CNTNAP2: variants seen among roughly 807,000 people sequenced by gnomAD.
CNTNAP2 encodes the protein contactin-associated protein-like 2.
Under a neutral mutation model 155.2 loss-of-function variants are expected in CNTNAP2, and 98 were observed. The observed-to-expected ratio is 0.63, with a 90% confidence interval of 0.54 to 0.75. The LOEUF is 0.75. Among genes scored for constraint, CNTNAP2 ranks in the 30% least tolerant of loss-of-function variants. The probability of loss-of-function intolerance (pLI) is 0.00; values close to 1 mark genes in which losing one functional copy is unlikely to be tolerated. For missense variants in CNTNAP2, 1,727 were observed against 1,688.1 expected (o/e 1.02, Z -0.40); for synonymous variants, 651 against 631.2 (o/e 1.03, Z -0.47).
chr7:147,061,873 G>A lies in CNTNAP2; in HGVS notation c.550+17819G>A, dbSNP rs372192476. On this transcript the variant is annotated intron_variant, in intron 4 of 23. Coordinates refer to ENST00000361727, the MANE Select transcript of CNTNAP2 (RefSeq NM_014141.6). ...TCTTTGGCCGGGCACGGTGGCTCAC[G>A]CCTGTAATCCCAGCACTTTGGGAGG... 2.1e-4 allele frequency among the ~76,000 whole-genome samples: 32 copies of A among 152,104 alleles called. No homozygotes were observed. In the East Asian group the frequency reaches 5.2e-3, roughly 25 times the overall value.
chr7:146,414,524 T>C (rs186118794), intron 1 of CNTNAP2, among the ~76,000 whole-genome samples: 2 of 152,270 alleles, frequency 1.3e-5, no homozygotes, highest in East Asian at 3.9e-4. Flanking sequence ...GGGGAGACTA[T>C]TTCTCCATAG....
At chr7:146,526,134 C>T (rs1342737387) in intron 1 of CNTNAP2, among the ~76,000 whole-genome samples, 1 of 152,026 alleles carries the variant, frequency 6.6e-6, no homozygotes, top group African/African-American at 2.4e-5. Context: ...TAAAGGGACC[C>T]ACAGCTTCAC....
intron 1 of CNTNAP2, among the ~76,000 whole-genome samples, chr7:146,711,791 ATATATAGTATACACATCTTATGTATAC>A (rs1801081338): frequency 2.4e-5 from 1 of 41,222 alleles, no homozygotes; most frequent in Non-Finnish European, 2.0e-4. Flanking sequence ...TTATGTATAC[ATATATAGTATACACATCTTATGTATAC>A]AATATAGTAT....
At chr7:147,669,471 C>T (rs970409712) in intron 13 of CNTNAP2, among the ~76,000 whole-genome samples, 1 of 152,192 alleles carries the variant, frequency 6.6e-6, no homozygotes, top group African/African-American at 2.4e-5. Flanking sequence ...TATTTTGTTA[C>T]AGCTTTCGAA....
chr7:147,809,806 A>T (rs1308994405), intron 13 of CNTNAP2, among the ~76,000 whole-genome samples: 3 of 152,146 alleles, frequency 2.0e-5, no homozygotes, highest in Non-Finnish European at 4.4e-5. Context: ...GACAGAACCT[A>T]TTTGTTCTCA....
At chr7:146,251,963 C>T (rs936069475) in intron 1 of CNTNAP2, among the ~76,000 whole-genome samples, 2 of 152,154 alleles carry the variant, frequency 1.3e-5, no homozygotes, top group Non-Finnish European at 2.9e-5. Context: ...AGAGCAAGAT[C>T]ATTTGCTTTT....
At chr7:147,619,843 G>A (rs2116890553) in intron 12 of CNTNAP2, among the ~76,000 whole-genome samples, 1 of 152,340 alleles carries the variant, frequency 6.6e-6, no homozygotes, top group East Asian at 1.9e-4. Context: ...ATAGGCAGCA[G>A]CCAGGGAGTG....
chr7:148,370,358 C>G (rs1479323449), intron 21 of CNTNAP2, among the ~76,000 whole-genome samples: 1 of 152,206 alleles, frequency 6.6e-6, no homozygotes, highest in Non-Finnish European at 1.5e-5. Context: ...GAGCCTGAAT[C>G]CCTCCACGCA....
At chr7:146,705,464 G>A (rs2129174129) in intron 1 of CNTNAP2, among the ~76,000 whole-genome samples, 1 of 152,132 alleles carries the variant, frequency 6.6e-6, no homozygotes, top group South Asian at 2.1e-4. Context: ...ACACTGATGA[G>A]AAGTCTCTAC....
intron 21 of CNTNAP2, among the ~76,000 whole-genome samples, chr7:148,316,695 C>T (rs1435884618): frequency 6.6e-6 from 1 of 152,134 alleles, no homozygotes; most frequent in African/African-American, 2.4e-5. Flanking sequence ...ACAGTAAGAA[C>T]AGGCAGCTAG....
At chr7:148,328,088 G>A (rs368411044) in intron 21 of CNTNAP2, among the ~76,000 whole-genome samples, 20 of 152,288 alleles carry the variant, frequency 1.3e-4, no homozygotes, top group African/African-American at 3.6e-4. Context: ...GCACAAGTGT[G>A]GAAATAAAGA....
rs1441266435 is a variant in CNTNAP2, at chr7:147,860,307, C to A, written c.2099-43258C>A. Among the ~76,000 whole-genome samples the A allele has an allele frequency of 2.0e-5, 3 of 151,926 alleles. No homozygotes were observed. In the East Asian group the frequency reaches 5.8e-4, roughly 29 times the overall value. On this transcript the variant is annotated intron_variant, in intron 13 of 23. Transcript: ENST00000361727. ...GGGCACGGTGGTCTGCGCCTGTAAT[C>A]CCAGTGTTCAGGAGGCTGAGGCAGA...
At chr7:146,486,035 C>A (rs1011326076) in intron 1 of CNTNAP2, among the ~76,000 whole-genome samples, 1 of 140,896 alleles carries the variant, frequency 7.1e-6, no homozygotes, top group Admixed American at 7.2e-5. Context: ...ATGTACCCAA[C>A]CCACAGCAGT....
intron 15 of CNTNAP2, among the ~76,000 whole-genome samples, chr7:148,002,943 C>CA (rs1801922299): frequency 6.6e-6 from 1 of 152,086 alleles, no homozygotes. Context: ...CAGTTGAACA[C>CA]AAAAAGGCCA....
At chr7:146,813,364 C>T (rs1043247280) in intron 2 of CNTNAP2, among the ~76,000 whole-genome samples, 1 of 152,172 alleles carries the variant, frequency 6.6e-6, no homozygotes, top group Non-Finnish European at 1.5e-5. Flanking sequence ...CCAACTCTTG[C>T]ATCAATGTGA....
intron 1 of CNTNAP2, among the ~76,000 whole-genome samples, chr7:146,754,619 A>G (rs952393294): frequency 2.0e-5 from 3 of 150,510 alleles, no homozygotes; most frequent in Non-Finnish European, 4.4e-5. Context: ...ACTGACCTTG[A>G]CTGTGACCTC....
At chr7:146,530,415 G>A (rs1411290754) in intron 1 of CNTNAP2, among the ~76,000 whole-genome samples, 3 of 150,078 alleles carry the variant, frequency 2.0e-5, no homozygotes, top group Admixed American at 6.6e-5. Flanking sequence ...TTATTCAGGG[G>A]AAAAAAAAAG....
intron 2 of CNTNAP2, among the ~76,000 whole-genome samples, chr7:146,810,109 T>C (rs1469455648): frequency 6.6e-6 from 1 of 152,200 alleles, no homozygotes; most frequent in Non-Finnish European, 1.5e-5. Context: ...AGACATCTTT[T>C]TCCTCATTGT....
At chr7:147,807,993 A>T (rs77301701) in intron 13 of CNTNAP2, among the ~76,000 whole-genome samples, 2,745 of 152,144 alleles carry the variant, frequency 0.018, 93 homozygotes, top group East Asian at 0.15. Flanking sequence ...TTTTAAAAAA[A>T]AAAAATAAAA....
Sources: allele counts gnomAD v4.1 joint callset (sites outside exome capture counted in the v4.1 genomes callset), GRCh38; gene constraint gnomAD v4.1.1; transcripts MANE v1.5; gene names NCBI Gene and HGNC (gene_info 2026-07-23, HGNC 2026-07-21).